Variants in ZNF394 observed in about 807,000 individuals in gnomAD.
The protein encoded by ZNF394 is zinc finger protein 394, also known as zinc finger protein 99.
ZNF394 carries 19 observed loss-of-function variants against 21.8 expected under a neutral mutation model. That is an observed-to-expected ratio of 0.87 (90% confidence interval 0.61 to 1.28). The LOEUF (loss-of-function observed/expected upper bound fraction) is 1.28. Ranked by LOEUF, ZNF394 falls within the 50% of genes most tolerant of loss-of-function variation. The pLI is 0.00. For synonymous variants in ZNF394, 294 were observed against 273.3 expected (o/e 1.08, Z -0.75); for missense variants, 683 against 708.6 (o/e 0.96, Z 0.41).
intron 1 of ZNF394, among the ~76,000 whole-genome samples, chr7:99,487,961 ATG>A (rs1279152210): frequency 6.7e-6 from 1 of 149,084 alleles, no homozygotes; most frequent in Non-Finnish European, 1.5e-5. Flanking sequence ...AGTCCCAGCT[ATG>A]CGGGAGGCTG....
intron 1 of ZNF394, chr7:99,487,160 AGT>A: frequency 6.2e-7 from 1 of 1,614,180 alleles, no homozygotes; most frequent in Non-Finnish European, 8.5e-7. Flanking sequence ...AAATGCCTTG[AGT>A]GTGGAAAAGC....
In ZNF394 at chr7:99,500,162, C is replaced by T. The variant is rs1800478250; in HGVS notation, c.-69G>A. 3 of 1,468,664 alleles carry T rather than the reference C, an allele frequency of 2.0e-6. No homozygotes were observed. Among genetic ancestry groups the T allele is most frequent in the South Asian group, 2.7e-5 (2 of 73,246 alleles). 91.0% of individuals were successfully genotyped at this position (1,468,664 alleles called of 1,614,324 possible). A position where few individuals can be genotyped will look rare whatever the true frequency, so the allele number is the denominator to read the frequency against. ...GTGAAGAAAGAGCAAACCCAAGGAA[C>T]TCATCAGCCGTCAACACCCTCCGGT... On this transcript the variant is annotated 5_prime_UTR_variant, in exon 1 of 3. Transcript: ENST00000337673.
chr7:99,498,547 A>G, intron 2 of ZNF394, 169 bp downstream of exon 2: 1 of 842,986 alleles, frequency 1.2e-6, no homozygotes. Flanking sequence ...AACCAAAGTA[A>G]AAAGCTGAAT....
At chr7:99,487,353 G>A in intron 1 of ZNF394, 1 of 1,614,228 alleles carries the variant, frequency 6.2e-7, no homozygotes, top group Non-Finnish European at 8.5e-7. Context: ...TTAGTTTTAA[G>A]AGGAATCTTT....
At chr7:99,489,460 G>A (rs573032048), downstream of ZNF394, among the ~76,000 whole-genome samples, 290 of 152,080 alleles carry the variant, frequency 1.9e-3, 2 homozygotes, top group African/African-American at 6.7e-3. Context: ...ATCATCGATG[G>A]GAATTTGATA....
In ZNF394 at chr7:99,487,089, G is replaced by A. The variant is rs1016454607; in HGVS notation, n.84-126C>T. ...ATAAATGTAGCAAATGTGAAAAAAC[G>A]TTTAGTCAGAATTCAACCCTTATTC... On this transcript the variant is annotated intron_variant and non_coding_transcript_variant, in intron 1 of 1. Transcript: ENST00000462024. The A allele has an allele frequency of 3.1e-5, 50 of 1,613,970 alleles. 2 individuals carry two copies. The Middle Eastern group carries it at 1.5e-3, about 48-fold the overall frequency.
At chr7:99,490,632 T>G (rs1231933874), downstream of ZNF394, among the ~76,000 whole-genome samples, 2 of 132,770 alleles carry the variant, frequency 1.5e-5, no homozygotes, top group Admixed American at 8.0e-5. Flanking sequence ...ACCTTTTTTT[T>G]TTTTTTTTTA....
At chr7:99,493,148 A>C (rs774203887), downstream of ZNF394, 75 of 955,900 alleles carry the variant, frequency 7.8e-5, no homozygotes, top group Middle Eastern at 1.0e-3. Flanking sequence ...CTTGTAGGAG[A>C]TACTCAAGGA....
rs753928680 is a variant in ZNF394 at position 99,498,728 on chromosome 7, T to A, written c.571A>T (p.Thr191Ser). The change falls in exon 2 of 3, where the codon ACA (threonine) becomes TCA (serine). Residue 191 changes from threonine (T) to serine (S), a missense_variant. Thr to Ser is a moderately conservative substitution (Grantham distance 58). Around this residue, in one of 3 missense-constraint regions of ZNF394, gnomAD observed 402 missense variants for 373.8 expected, o/e 1.08. Transcript: ENST00000337673. ...CAACAGCACTCACTCGGCGGAACTG[T>A]GCTCCCGGAATCCTTCTGCGCACTC... Reference protein sequence around the residue: ...RESAQKDSGSTVPPSLESRVE... With the variant: ...RESAQKDSGSSVPPSLESRVE... 6.2e-7 allele frequency: 1 copy of A among 1,614,082 alleles called. No individual in the cohort carries two copies. Among genetic ancestry groups the A allele is most frequent in the South Asian group, 1.1e-5 (1 of 91,082 alleles).
rs78336331 is a variant in ZNF394, at chr7:99,493,976, C to T, written c.1239G>A (p.Pro413=). ...KHQRTHTGEK[P]YTCLKCGERF... is the part of the protein sequence containing the mutation. ...GCTCCCCACATTTCAGACAGGTGTA[C>T]GGCTTCTCGCCTGTGTGTGTCCTCT... Residue 413 remains proline, a synonymous_variant, in exon 3 of 3, where the codon CCG becomes CCA. Transcript: ENST00000337673. 0.017 allele frequency: 27,288 copies of T among 1,614,158 alleles called. 378 individuals are homozygous for T. Among genetic ancestry groups the T allele is most frequent in the Admixed American group, 0.057 (3,435 of 60,010 alleles).
rs763491359 is a variant in ZNF394, at chr7:99,498,868, A to C, written c.457-26T>G. 3.1e-6 allele frequency: 5 copies of C among 1,603,388 alleles called. 1 individual carries two copies. The South Asian group carries it at 5.6e-5, about 18-fold the overall frequency. ...CTGGAACAACACAAGAGCCCCATTC[A>C]GTACCTGCTGTCCCTGTACAGCACT... On this transcript the variant is annotated intron_variant, in intron 1 of 2. Coordinates refer to ENST00000337673, the MANE Select transcript of ZNF394 (RefSeq NM_032164.4).
intron 2 of ZNF394, among the ~76,000 whole-genome samples, chr7:99,496,526 G>A (rs546697406): frequency 5.9e-5 from 9 of 152,156 alleles, no homozygotes; most frequent in African/African-American, 1.9e-4. Context: ...AGAAGGGATG[G>A]GTGGGTGAGC....
Position 99,493,862 on chromosome 7 carries a change from A to G in ZNF394, c.1353T>C (p.Cys451=), listed in dbSNP as rs1470376039. 1.2e-6 allele frequency: 2 copies of G among 1,614,074 alleles called. No individual in the cohort carries two copies. The highest frequency in any genetic ancestry group is 8.5e-7 in the Non-Finnish European group (1 of 1,180,026). The stretch of plus-strand genomic sequence containing the variant: ...GATGTCTAAAAAGGTTGGAAATATG[A>G]CAGGTTTCCCCGCATTCCTCACATT... The part of the protein sequence containing the change: ...HFKCEECGET[C]HISNLFRHQR... The change falls in exon 3 of 3, where the codon TGT becomes TGC. Residue 451 remains cysteine, a synonymous_variant. Coordinates refer to ENST00000337673, the MANE Select transcript of ZNF394 (RefSeq NM_032164.4).
intron 1 of ZNF394, chr7:99,487,511 G>A: frequency 6.3e-7 from 1 of 1,593,290 alleles, no homozygotes; most frequent in Non-Finnish European, 8.6e-7. Flanking sequence ...AGCAGTCATT[G>A]GAGAACTAGA....
downstream of ZNF394, among the ~76,000 whole-genome samples, chr7:99,490,640 TTA>T (rs1800142909): frequency 6.8e-6 from 1 of 147,252 alleles, no homozygotes; most frequent in Non-Finnish European, 1.5e-5. Flanking sequence ...TTTTTTTTTT[TTA>T]AAAAAAAAGA....
Position 99,487,432 on chromosome 7 carries a change from T to C in ZNF394, n.84-469A>G. ...TGTCATATGTGGAAAATCTTTCAAG[T>C]GGCACACAAGCTTTATTAAGCACCA... On this transcript the variant is annotated intron_variant and non_coding_transcript_variant, in intron 1 of 1. Transcript: ENST00000462024. 6.2e-7 allele frequency: 1 copy of C among 1,614,202 alleles called. No homozygotes were observed. The highest frequency in any genetic ancestry group is 8.5e-7 in the Non-Finnish European group (1 of 1,180,036).
In ZNF394 at chr7:99,494,392, A is replaced by G; in HGVS notation, c.823T>C (p.Ser275Pro). The change falls in exon 3 of 3, where the codon TCC (serine) becomes CCC (proline). Residue 275 changes from serine to proline, a missense_variant. Physicochemically the swap from Ser to Pro is moderately conservative, Grantham distance 74. Around this residue, in one of 3 missense-constraint regions of ZNF394, gnomAD observed 402 missense variants for 373.8 expected, o/e 1.08. Coordinates refer to ENST00000337673, the MANE Select transcript of ZNF394 (RefSeq NM_032164.4). ...NSISDVNKNG[S>P]IEGEDSKNNE... ...TTTTTAGAGTCTTCCCCTTCTATGG[A>G]ACCATTCTTATTGACATCTGAGATG... The G allele has an allele frequency of 6.2e-7, 1 of 1,614,156 alleles. No individual in the cohort carries two copies. The highest frequency in any genetic ancestry group is 1.1e-5 in the South Asian group (1 of 91,084).
At chr7:99,487,519 A>G in intron 1 of ZNF394, 1 of 1,583,214 alleles carries the variant, frequency 6.3e-7, no homozygotes, top group East Asian at 2.2e-5. Context: ...TTGGAGAACT[A>G]GAACTTATAA....
At chr7:99,496,268 G>A (rs563040538) in intron 2 of ZNF394, among the ~76,000 whole-genome samples, 19 of 151,686 alleles carry the variant, frequency 1.3e-4, no homozygotes, top group Admixed American at 9.2e-4. Flanking sequence ...CACCTGCCTC[G>A]GCCTCCCAAA....
Sources: gnomAD v4.1 joint callset for allele counts (sites outside exome capture counted in the v4.1 genomes callset) on GRCh38, gnomAD v4.1.1 for gene constraint, gnomAD v4.1.1 regional missense constraint, MANE v1.5 for transcripts, NCBI Gene and HGNC (gene_info 2026-07-23, HGNC 2026-07-21) for gene names.